The following MYO16 variants were observed in gnomAD, a reference collection of about 807,000 sequenced individuals.
MYO16 encodes the protein unconventional myosin-XVI.
MYO16 carries 94 observed loss-of-function variants against 205.3 expected under a neutral mutation model. The ratio of observed to expected loss-of-function variants is 0.46; its 90% CI spans 0.39 to 0.54. The LOEUF (loss-of-function observed/expected upper bound fraction) is 0.54, where lower values mean the gene tolerates loss of function less well. MYO16 is among the 20% of genes least tolerant of loss of function. MYO16 has a pLI of 0.00. For synonymous variants in MYO16, 988 were observed against 954.0 expected, an observed-to-expected ratio of 1.04 and a Z score of -0.66; for missense variants, 2,315 against 2,387.5, an observed-to-expected ratio of 0.97 and a Z score of 0.63.
intron 21 of MYO16, 43 bp downstream of exon 21, chr13:108,992,491 T>C: frequency 8.0e-7 from 1 of 1,256,294 alleles, no homozygotes; most frequent in Non-Finnish European, 1.2e-6. Context: ...TTGAATGGCT[T>C]TTGAAACTAA....
At chr13:108,902,540 A>G (rs2139215332) in intron 15 of MYO16, among the ~76,000 whole-genome samples, 1 of 152,342 alleles carries the variant, frequency 6.6e-6, no homozygotes, top group Non-Finnish European at 1.5e-5. Context: ...ATTGTCTCAC[A>G]GTTCTGGAGG....
the MYO16 span, among the ~76,000 whole-genome samples, chr13:108,534,089 T>C: frequency 3.9e-5 from 6 of 152,250 alleles, no homozygotes; most frequent in Admixed American, 3.3e-4. Flanking sequence ...GTTCTGGTTC[T>C]AAGAGGTTAT....
chr13:109,180,055 A>G (rs564194948), intron 34 of MYO16, among the ~76,000 whole-genome samples: 1 of 152,188 alleles, frequency 6.6e-6, no homozygotes, highest in African/African-American at 2.4e-5. Context: ...CATGCATCTT[A>G]TCTCAGTTAT....
chr13:109,138,753 T>A (rs1876897731), intron 31 of MYO16, among the ~76,000 whole-genome samples: 1 of 152,062 alleles, frequency 6.6e-6, no homozygotes, highest in Non-Finnish European at 1.5e-5. Context: ...TTAAAGTCTC[T>A]CCATCCACAC....
chr13:109,133,084 A>G (rs1240990325), intron 31 of MYO16, among the ~76,000 whole-genome samples: 1 of 152,358 alleles, frequency 6.6e-6, no homozygotes, highest in South Asian at 2.1e-4. Flanking sequence ...TCCTCCCACC[A>G]GGAAAGAAAA....
At chr13:108,986,161 G>A (rs9514951) in intron 20 of MYO16, among the ~76,000 whole-genome samples, 112,257 of 152,102 alleles carry the variant, frequency 0.74, 42,040 homozygotes, top group East Asian at 0.98. Context: ...CCCATGATTC[G>A]ATTACCTCCC....
chr13:109,071,233 C>T (rs767975675), intron 27 of MYO16, among the ~76,000 whole-genome samples: 11 of 151,996 alleles, frequency 7.2e-5, no homozygotes, highest in Non-Finnish European at 1.3e-4. Context: ...TAAATATTTT[C>T]GCATTTATGA....
the MYO16 span, among the ~76,000 whole-genome samples, chr13:108,584,156 G>T: frequency 0.92 from 139,391 of 152,018 alleles, 65,029 homozygotes; most frequent in East Asian, 1. Flanking sequence ...GTTTTCACCG[G>T]GTTAGCCAGG....
Position 109,192,773 on chromosome 13 carries a change from A to G in MYO16, c.5415+13140A>G, listed in dbSNP as rs550368926. The stretch of plus-strand genomic sequence containing the variant: ...TGGTGACATGAAAGGTCATCCACTC[A>G]TCAGATTCTGGCCTCAATATGAGCA... On this transcript the variant is annotated intron_variant, in intron 34 of 34. Transcript: ENST00000457511. 2.0e-5 allele frequency among the ~76,000 whole-genome samples: 3 copies of G among 152,316 alleles called. No individual in the cohort carries two copies. The South Asian group carries it at 6.2e-4, about 32-fold the overall frequency.
the MYO16 span, among the ~76,000 whole-genome samples, chr13:108,505,181 G>T: frequency 3.3e-5 from 5 of 152,150 alleles, no homozygotes; most frequent in African/African-American, 1.2e-4. Context: ...CAAAGAAGTA[G>T]GATTCCTGGA....
At chr13:108,644,125 T>A (rs889741513) in intron 1 of MYO16, among the ~76,000 whole-genome samples, 1 of 152,176 alleles carries the variant, frequency 6.6e-6, no homozygotes, top group Admixed American at 6.5e-5. Flanking sequence ...GAGTTTCGGA[T>A]CCTCAGCTCT....
intron 6 of MYO16, among the ~76,000 whole-genome samples, chr13:108,801,344 T>A (rs761066039): frequency 2.0e-5 from 3 of 152,204 alleles, no homozygotes; most frequent in Non-Finnish European, 4.4e-5. Context: ...CATTCTTTCA[T>A]ACACTGCTGG....
chr13:108,781,368 T>C (rs1247029643), intron 4 of MYO16, among the ~76,000 whole-genome samples: 2 of 152,200 alleles, frequency 1.3e-5, no homozygotes, highest in Non-Finnish European at 2.9e-5. Flanking sequence ...GAATGGCAGA[T>C]AGCTGAAAGA....
At chr13:108,505,619 A>G in the MYO16 span, among the ~76,000 whole-genome samples, 1 of 151,850 alleles carries the variant, frequency 6.6e-6, no homozygotes, top group Non-Finnish European at 1.5e-5. Context: ...CTCCCATTCT[A>G]TATGCTTTTT....
intron 2 of MYO16, among the ~76,000 whole-genome samples, chr13:108,667,320 G>GT (rs770988720): frequency 0.029 from 3,674 of 128,472 alleles, 101 homozygotes; most frequent in South Asian, 0.079. Context: ...TTTCTGTTTT[G>GT]TTTTTTTTTT....
intron 16 of MYO16, among the ~76,000 whole-genome samples, chr13:108,946,719 A>G (rs1000367236): frequency 5.3e-5 from 8 of 152,148 alleles, no homozygotes; most frequent in Admixed American, 5.2e-4. Context: ...CCAAGAGGGT[A>G]TGGATCTATA....
At chr13:108,795,334 G>T (rs112701800) in intron 6 of MYO16, among the ~76,000 whole-genome samples, 1 of 151,770 alleles carries the variant, frequency 6.6e-6, no homozygotes, top group Non-Finnish European at 1.5e-5. Context: ...TCAGCCTCCC[G>T]AGTAGCTGGG....
chr13:109,073,865 C>T lies in MYO16; in HGVS notation c.3335+18270C>T, dbSNP rs534177213. ...TGTGAAAGCGTGCATTATGTAATCT[C>T]ATCTGCCTAGCAGTTTGGTGAGCTA... On this transcript the variant is annotated intron_variant, in intron 27 of 34. Coordinates refer to ENST00000457511, the MANE Select transcript of MYO16 (RefSeq NM_001198950.3). 7.2e-5 allele frequency among the ~76,000 whole-genome samples: 11 copies of T among 152,326 alleles called. No homozygotes were observed. The South Asian group carries it at 2.3e-3, about 32-fold the overall frequency.
At chr13:109,081,535 A>G (rs746300708) in intron 27 of MYO16, among the ~76,000 whole-genome samples, 2 of 152,174 alleles carry the variant, frequency 1.3e-5, no homozygotes, top group Non-Finnish European at 2.9e-5. Context: ...ATAGCATGAT[A>G]CCTCCAGAGA....
Sources: allele counts gnomAD v4.1 joint callset (sites outside exome capture counted in the v4.1 genomes callset), GRCh38; gene constraint gnomAD v4.1.1; transcripts MANE v1.5; gene names NCBI Gene and HGNC (gene_info 2026-07-23, HGNC 2026-07-21).